Variants in ST3GAL5 observed in about 807,000 individuals in gnomAD.
ST3GAL5 encodes the protein lactosylceramide alpha-2,3-sialyltransferase.
In ST3GAL5, 25 loss-of-function variants were observed where a neutral mutation model predicts 46.1. That is an observed-to-expected ratio of 0.54 (90% CI 0.40 to 0.76). The LOEUF (loss-of-function observed/expected upper bound fraction) is 0.76. Ranked by LOEUF, ST3GAL5 falls within the 30% of genes least tolerant of loss-of-function variation. The pLI is 0.00. For missense variants in ST3GAL5, 431 were observed against 521.2 expected (o/e 0.83, Z 1.69); for synonymous variants, 182 against 192.7 (o/e 0.94, Z 0.46).
At chr2:85,840,551 A>T (rs1250756762) in intron 6 of ST3GAL5, 159 bp from the exon 7 acceptor site, 1 of 776,802 alleles carries the variant, frequency 1.3e-6, no homozygotes, top group East Asian at 2.7e-5. Context: ...TTAGAGTCCA[A>T]CTCTCCATTT....
At chr2:85,872,475 T>G (rs1192861483) in intron 1 of ST3GAL5, among the ~76,000 whole-genome samples, 1 of 151,244 alleles carries the variant, frequency 6.6e-6, no homozygotes, top group East Asian at 2.0e-4. Flanking sequence ...CCCAGCTACT[T>G]GGGAGGCTGA....
chr2:85,867,028 G>A (rs1421667455), intron 1 of ST3GAL5, among the ~76,000 whole-genome samples: 1 of 152,146 alleles, frequency 6.6e-6, no homozygotes, highest in Non-Finnish European at 1.5e-5. Context: ...AAAATGGCTG[G>A]GTGTGGTAGC....
intron 1 of ST3GAL5, among the ~76,000 whole-genome samples, chr2:85,866,975 A>G (rs2104110131): frequency 6.6e-6 from 1 of 152,354 alleles, no homozygotes; most frequent in East Asian, 1.9e-4. Flanking sequence ...GTTAACAGAA[A>G]TTATAATGGC....
At chr2:85,871,038 C>CTTTT (rs35268429) in intron 1 of ST3GAL5, among the ~76,000 whole-genome samples, 2 of 137,810 alleles carry the variant, frequency 1.5e-5, no homozygotes, top group Non-Finnish European at 3.1e-5. Flanking sequence ...AACCATTTAT[C>CTTTT]TTTTTTTTTT....
At chr2:85,878,244 T>C (rs1365079641) in intron 1 of ST3GAL5, among the ~76,000 whole-genome samples, 4 of 152,360 alleles carry the variant, frequency 2.6e-5, no homozygotes, top group Middle Eastern at 3.4e-3. Context: ...AGGACACAAG[T>C]AGAAATTTCA....
intron 3 of ST3GAL5, among the ~76,000 whole-genome samples, chr2:85,857,559 A>G (rs1046799982): frequency 1.2e-4 from 18 of 151,266 alleles, no homozygotes; most frequent in African/African-American, 4.1e-4. Flanking sequence ...AAAAAAGAGA[A>G]AAGGAAAGAA....
chr2:85,848,356 T>C, intron 3 of ST3GAL5, 152 bp from the exon 4 acceptor site: 1 of 1,565,274 alleles, frequency 6.4e-7, no homozygotes. Flanking sequence ...AGAGTTAAGT[T>C]TGGCTCAGAA....
rs184780258 is a variant in ST3GAL5 at position 85,857,407 on chromosome 2, C to T, written c.318+3774G>A. Among the ~76,000 whole-genome samples, 842 of 151,378 alleles carry T rather than the reference C, an allele frequency of 5.6e-3. 5 individuals carry two copies. Among genetic ancestry groups the T allele is most frequent in the Admixed American group, 0.013 (195 of 15,202 alleles). ...CAAAAATTAGCTGGGTGTGGTGGCA[C>T]ATGCCTGTAATCCCAGCTACTCGGG... is the stretch of plus-strand genomic sequence containing the variant. On this transcript the variant is annotated intron_variant, in intron 3 of 6. Coordinates refer to ENST00000638572, the MANE Select transcript of ST3GAL5 (RefSeq NM_003896.4).
intron 3 of ST3GAL5, 53 bp downstream of exon 3, chr2:85,861,128 G>T: frequency 8.6e-7 from 1 of 1,162,516 alleles, no homozygotes; most frequent in South Asian, 1.2e-5. Context: ...ATTATAGTTT[G>T]AGCATATGCT....
intron 3 of ST3GAL5, among the ~76,000 whole-genome samples, chr2:85,858,546 T>C (rs1192940387): frequency 1.3e-5 from 2 of 152,166 alleles, no homozygotes; most frequent in Admixed American, 6.6e-5. Context: ...CCTGACCTCA[T>C]GATCCGCCCA....
At chr2:85,872,774 C>CCTACCAT (rs1173574189) in intron 1 of ST3GAL5, among the ~76,000 whole-genome samples, 1 of 152,126 alleles carries the variant, frequency 6.6e-6, no homozygotes, top group African/African-American at 2.4e-5. Context: ...TAGACAGGGA[C>CCTACCAT]CTACCATCCG....
intron 3 of ST3GAL5, chr2:85,851,334 A>G (rs1683479252): frequency 8.6e-7 from 1 of 1,168,516 alleles, no homozygotes; most frequent in Non-Finnish European, 1.1e-6. Flanking sequence ...GAGTTTCTAC[A>G]TGTCCTGGCA....
At chr2:85,851,724 A>G (rs1180177547) in intron 3 of ST3GAL5, 1 of 1,289,208 alleles carries the variant, frequency 7.8e-7, no homozygotes, top group East Asian at 5.5e-5. Context: ...GAGAGGAAGC[A>G]GTGTGACTAG....
chr2:85,883,750 C>T (rs965645082), intron 1 of ST3GAL5, among the ~76,000 whole-genome samples: 26 of 152,216 alleles, frequency 1.7e-4, no homozygotes, highest in African/African-American at 6.3e-4. Flanking sequence ...TGCAATTTTA[C>T]TCTAAGAATA....
intron 3 of ST3GAL5, chr2:85,850,082 C>T (rs1320101388): frequency 1.3e-5 from 2 of 151,954 alleles, no homozygotes; most frequent in Non-Finnish European, 2.9e-5. Context: ...TGCATCTATC[C>T]TATTATAACA....
intron 1 of ST3GAL5, among the ~76,000 whole-genome samples, chr2:85,867,051 G>A (rs1191416320): frequency 6.6e-6 from 1 of 152,192 alleles, no homozygotes; most frequent in Non-Finnish European, 1.5e-5. Flanking sequence ...ACACCTTTGG[G>A]AGACGGGGAT....
At chr2:85,872,397 A>C (rs376901168) in intron 1 of ST3GAL5, among the ~76,000 whole-genome samples, 1 of 152,124 alleles carries the variant, frequency 6.6e-6, no homozygotes, top group African/African-American at 2.4e-5. Context: ...AGCCTGGCCA[A>C]CATGGTGAAA....
At chr2:85,886,641 C>G (rs1224957240) in intron 1 of ST3GAL5, among the ~76,000 whole-genome samples, 1 of 152,116 alleles carries the variant, frequency 6.6e-6, no homozygotes, top group Non-Finnish European at 1.5e-5. Flanking sequence ...TTCTCCTGCT[C>G]CCTTACGCAT....
rs1255248442 is a variant in ST3GAL5 at position 85,888,843 on chromosome 2, C to T, written c.63G>A (p.Ala21=). ...ACGTACCTCGGCCGGCAGGTGCCGC[C>T]GCTGCCTCGGTCCGCGGCTGCAGGG... ...RRPLQPRTEA[A]AAPAGRAMPS... is the part of the protein sequence containing the mutation. The change falls in exon 1 of 7, where the codon GCG becomes GCA. Residue 21 remains alanine, a synonymous_variant. Coordinates refer to ENST00000638572, the MANE Select transcript of ST3GAL5 (RefSeq NM_003896.4). 7.6e-7 allele frequency: 1 copy of T among 1,314,900 alleles called. No individual in the cohort carries two copies. Among genetic ancestry groups the T allele is most frequent in the Non-Finnish European group, 9.7e-7 (1 of 1,027,246 alleles). The allele number at this position is 1,314,900 out of a possible 1,614,324, so 81.5% of individuals were successfully genotyped here.
Sources: gnomAD v4.1 joint callset for allele counts (sites outside exome capture counted in the v4.1 genomes callset) on GRCh38, gnomAD v4.1.1 for gene constraint, MANE v1.5 for transcripts, NCBI Gene and HGNC (gene_info 2026-07-23, HGNC 2026-07-21) for gene names.